CELSR1: variants seen among roughly 807,000 people sequenced by gnomAD.
CELSR1 encodes the protein adhesion G protein-coupled receptor C1.
CELSR1 carries 110 observed loss-of-function variants against 249.1 expected under a neutral mutation model. The observed-to-expected ratio is 0.44, with a 90% CI of 0.38 to 0.52. The LOEUF (loss-of-function observed/expected upper bound fraction) is 0.52. CELSR1 is among the 20% of genes least tolerant of loss of function. The probability of loss-of-function intolerance (pLI) is 0.00; values close to 1 mark genes in which losing one functional copy is unlikely to be tolerated. For synonymous variants in CELSR1, 2,113 were observed against 1,900.0 expected, an observed-to-expected ratio of 1.11 and a Z score of -2.92; for missense variants, 4,109 against 4,296.4, an observed-to-expected ratio of 0.96 and a Z score of 1.22.
At chr22:46,477,310 A>G (rs2080218983) in intron 1 of CELSR1, among the ~76,000 whole-genome samples, 1 of 152,176 alleles carries the variant, frequency 6.6e-6, no homozygotes, top group African/African-American at 2.4e-5. Flanking sequence ...GACAGGGATC[A>G]AACACCTGGA....
At chr22:46,442,982 C>T (rs367701712) in intron 2 of CELSR1, among the ~76,000 whole-genome samples, 2 of 151,944 alleles carry the variant, frequency 1.3e-5, no homozygotes, top group African/African-American at 4.8e-5. Context: ...CCTGTAGTCC[C>T]AGCTACTCAG....
At position 46,427,566 on chromosome 22, in the gene CELSR1, T is replaced by C. The variant is rs1183949567; in HGVS notation, c.4611+5827A>G. Among the ~76,000 whole-genome samples, 1 of 152,130 alleles carries C rather than the reference T, an allele frequency of 6.6e-6. No homozygotes were observed. The highest frequency in any genetic ancestry group is 1.5e-5 in the Non-Finnish European group (1 of 68,024). On this transcript the variant is annotated intron_variant, in intron 5 of 34. Transcript: ENST00000674500. The surrounding 1 kb of genome is among the most constrained non-coding windows in gnomAD (Gnocchi z 4.2). ...ATAAATAAAATACACCCTACAACTATGGCTTTTAAAATCTAGTAACAAGAT... is the reference window on the plus strand; with the variant it reads ...ATAAATAAAATACACCCTACAACTACGGCTTTTAAAATCTAGTAACAAGAT...
In CELSR1 at chr22:46,446,637, C is replaced by G. The variant is rs972417398; in HGVS notation, c.4184-7226G>C. Among the ~76,000 whole-genome samples, 1 of 152,060 alleles carries G rather than the reference C, an allele frequency of 6.6e-6. No homozygotes were observed. The highest frequency in any genetic ancestry group is 1.5e-5 in the Non-Finnish European group (1 of 68,016). On this transcript the variant is annotated intron_variant, in intron 2 of 34. Coordinates refer to ENST00000674500, the MANE Select transcript of CELSR1 (RefSeq NM_001378328.1). This position sits in a 1 kb window ranked among gnomAD's most constrained non-coding sequence, Gnocchi z 5.5. ...GTGGGGGGGAAAGCTGGGTCCATAG[C>G]AGGTACTGACAGACACTTGTGAAAT...
At chr22:46,376,555 A>T (rs112436042) in intron 24 of CELSR1, among the ~76,000 whole-genome samples, 2 of 152,060 alleles carry the variant, frequency 1.3e-5, no homozygotes, top group Non-Finnish European at 2.9e-5. Context: ...TTGTATTTTT[A>T]GTAGAGATTG....
chr22:46,390,581 G>A lies in CELSR1; in HGVS notation c.6251-95C>T. On this transcript the variant is annotated intron_variant, in intron 16 of 34. Coordinates refer to ENST00000674500, the MANE Select transcript of CELSR1 (RefSeq NM_001378328.1). The surrounding 1 kb of genome is among the most constrained non-coding windows in gnomAD (Gnocchi z 6.3). ...CACAATCTGAATATACTTAAACCCA[G>A]AACACTGCGTGGTGGTTAGAACCCC... 9.7e-7 allele frequency: 1 copy of A among 1,031,284 alleles called. No homozygotes were observed. 63.9% of individuals were successfully genotyped at this position (1,031,284 alleles called of 1,614,324 possible). A position where few individuals can be genotyped will look rare whatever the true frequency, so the allele number is the denominator to read the frequency against.
rs954608573 is a variant in CELSR1 at position 46,417,045 on chromosome 22, C to T, written c.4612-5286G>A. ...CTCTGTGTCAGAAATGATTAACCAACGTTCATATCAAAGAATTCACAGATG... is the reference window on the plus strand; with the variant it reads ...CTCTGTGTCAGAAATGATTAACCAATGTTCATATCAAAGAATTCACAGATG... On this transcript the variant is annotated intron_variant, in intron 5 of 34. Coordinates refer to ENST00000674500, the MANE Select transcript of CELSR1 (RefSeq NM_001378328.1). This position sits in a 1 kb window ranked among gnomAD's most constrained non-coding sequence, Gnocchi z 4.1. 2.6e-5 allele frequency among the ~76,000 whole-genome samples: 4 copies of T among 152,142 alleles called. No individual in the cohort carries two copies. The highest frequency in any genetic ancestry group is 7.2e-5 in the African/African-American group (3 of 41,412).
intron 28 of CELSR1, 25 bp from the exon 29 acceptor site, chr22:46,367,143 C>T: frequency 6.2e-7 from 1 of 1,605,034 alleles, no homozygotes; most frequent in Middle Eastern, 2.1e-4. Flanking sequence ...GTGGGGTCAG[C>T]ACCTGCTGCT....
intron 9 of CELSR1, among the ~76,000 whole-genome samples, chr22:46,405,659 A>G (rs2079258381): frequency 6.6e-6 from 1 of 152,088 alleles, no homozygotes. Flanking sequence ...AGCAATCTCA[A>G]GGTTATCCCA....
intron 19 of CELSR1, 116 bp from the exon 20 acceptor site, chr22:46,384,802 A>G (rs2079015390): frequency 2.6e-6 from 3 of 1,171,622 alleles, no homozygotes; most frequent in Admixed American, 3.0e-5. Flanking sequence ...TTATTTATTT[A>G]TTTTTGAGGT....
chr22:46,424,586 T>C (rs544791161), intron 5 of CELSR1, among the ~76,000 whole-genome samples: 1 of 152,294 alleles, frequency 6.6e-6, no homozygotes, highest in South Asian at 2.1e-4. Context: ...ACCCTGCCTG[T>C]GTCCTATCAC....
In CELSR1 at chr22:46,533,820, G is replaced by T; in HGVS notation, c.3351C>A (p.Asn1117Lys). Residue 1117 changes from asparagine (N) to lysine (K), a missense_variant, in exon 1 of 35, where the codon AAC becomes AAA. Asn to Lys is a moderately conservative substitution (Grantham distance 94). Transcript: ENST00000674500. ...LFNNYVTNKS[N>K]SFPTGVIGCI... ...AGCCGATCACGCCGGTGGGGAAACT[G>T]TTGGACTTGTTGGTGACATAGTTGT... 1 of 1,613,880 alleles carries T rather than the reference G, an allele frequency of 6.2e-7. No homozygotes were observed. Among genetic ancestry groups the T allele is most frequent in the Non-Finnish European group, 8.5e-7 (1 of 1,180,024 alleles).
intron 1 of CELSR1, among the ~76,000 whole-genome samples, chr22:46,529,164 G>T (rs1221582147): frequency 4.6e-5 from 7 of 151,558 alleles, no homozygotes; most frequent in Admixed American, 2.0e-4. Context: ...TACTCAGGAG[G>T]CTGAGGCAGG....
In CELSR1 at chr22:46,399,735, C is replaced by A. The variant is rs761663935; in HGVS notation, c.5394G>T (p.Leu1798Phe). Reference sequence around the variant, plus strand: ...AGCTCACCTGGTCCATCCCATAGTCCAAGGTCATGGTGACCAGGTGCTTCA... The same window carrying A: ...AGCTCACCTGGTCCATCCCATAGTCAAAGGTCATGGTGACCAGGTGCTTCA... ...SEMKHLVTMT[L>F]DYGMDQNKAD... Residue 1798 changes from leucine (L) to phenylalanine (F), a missense_variant, in exon 10 of 35, where the codon TTG becomes TTT. Physicochemically the swap from Leu to Phe is conservative, Grantham distance 22. Transcript: ENST00000674500. This position sits in a 1 kb window ranked among gnomAD's most constrained non-coding sequence, Gnocchi z 5.0. The A allele has an allele frequency of 1.2e-6, 2 of 1,614,012 alleles. No homozygotes were observed. Among genetic ancestry groups the A allele is most frequent in the Non-Finnish European group, 1.7e-6 (2 of 1,179,894 alleles).
chr22:46,378,731 A>G lies in CELSR1; in HGVS notation c.7257-14T>C. 6.2e-7 allele frequency: 1 copy of G among 1,610,306 alleles called. No homozygotes were observed. Among genetic ancestry groups the G allele is most frequent in the Non-Finnish European group, 8.5e-7 (1 of 1,178,062 alleles). On this transcript the variant is annotated splice_polypyrimidine_tract_variant and intron_variant, in intron 22 of 34. Transcript: ENST00000674500. ...GTCCCACCAACGCTGCGGAGAGGACAGAGAAGGGGCAGGGGTAAGACGGTT... is the reference window on the plus strand; with the variant it reads ...GTCCCACCAACGCTGCGGAGAGGACGGAGAAGGGGCAGGGGTAAGACGGTT...
rs898050721 is a variant in CELSR1, at chr22:46,408,401, G to A, written c.5226+595C>T. Among the ~76,000 whole-genome samples the A allele has an allele frequency of 5.3e-5, 8 of 152,110 alleles. No homozygotes were observed. Among genetic ancestry groups the A allele is most frequent in the Non-Finnish European group, 8.8e-5 (6 of 68,020 alleles). ...GACTGGAGTGTGGTGACACGTTCTC[G>A]GGTCACTGCAACCTCCGCCTTCCAG... is the stretch of plus-strand genomic sequence containing the variant. On this transcript the variant is annotated intron_variant, in intron 9 of 34. Transcript: ENST00000674500. The surrounding 1 kb of genome is among the most constrained non-coding windows in gnomAD (Gnocchi z 4.6).
At chr22:46,456,311 G>A (rs2079948451) in intron 2 of CELSR1, among the ~76,000 whole-genome samples, 1 of 152,188 alleles carries the variant, frequency 6.6e-6, no homozygotes, top group African/African-American at 2.4e-5. Flanking sequence ...AGGCTGGGAG[G>A]GATGAGTGCG....
chr22:46,474,021 C>T lies in CELSR1; in HGVS notation c.3545-9676G>A, dbSNP rs187456726. On this transcript the variant is annotated intron_variant, in intron 1 of 34. Coordinates refer to ENST00000674500, the MANE Select transcript of CELSR1 (RefSeq NM_001378328.1). ...CGGCGCATGTCAGGATGTCAAGCCA[C>T]GAGAGGAAGAGTGAGCCTCGGACCC... is the stretch of plus-strand genomic sequence containing the variant. Among the ~76,000 whole-genome samples, 47 of 152,238 alleles carry T rather than the reference C, an allele frequency of 3.1e-4. No homozygotes were observed. The East Asian group carries it at 8.1e-3, about 26-fold the overall frequency.
At position 46,394,205 on chromosome 22, in the gene CELSR1, G is replaced by C. The variant is rs1471256991; in HGVS notation, c.5901C>G (p.His1967Gln). The C allele has an allele frequency of 6.2e-7, 1 of 1,614,044 alleles. No homozygotes were observed. The highest frequency in any genetic ancestry group is 1.1e-5 in the South Asian group (1 of 91,086). The change falls in exon 14 of 35, where the codon CAC becomes CAG. Residue 1967 changes from histidine to glutamine, a missense_variant. His to Gln is a conservative substitution (Grantham distance 24). This residue lies in a region of CELSR1 where 1,805 missense variants were observed against 1,831.6 expected (regional missense o/e 0.99). Coordinates refer to ENST00000674500, the MANE Select transcript of CELSR1 (RefSeq NM_001378328.1). ...WWGNPVCGPCHCAVSKGFDPD... is the reference protein window; with the variant it reads ...WWGNPVCGPCQCAVSKGFDPD... ...GATCAAAGCCTTTGCTGACGGCACA[G>C]TGGCAGGGTCCACAGACGGGGTTCC...
In CELSR1 at chr22:46,430,153, T is replaced by C. The variant is rs1278603086; in HGVS notation, c.4611+3240A>G. Among the ~76,000 whole-genome samples the C allele has an allele frequency of 1.3e-5, 2 of 152,034 alleles. No individual in the cohort carries two copies. Among genetic ancestry groups the C allele is most frequent in the African/African-American group, 4.8e-5 (2 of 41,382 alleles). On this transcript the variant is annotated intron_variant, in intron 5 of 34. Transcript: ENST00000674500. The surrounding 1 kb of genome is among the most constrained non-coding windows in gnomAD (Gnocchi z 4.6). ...ATCTAAAATGCAGGTGGCCCACACC[T>C]CAGAGACACAGCCACTCTGGAGGGC...
Sources: gnomAD v4.1 joint callset for allele counts (sites outside exome capture counted in the v4.1 genomes callset) on GRCh38, gnomAD v4.1.1 for gene constraint, gnomAD v4.1.1 regional missense constraint, Gnocchi (gnomAD v3.1) non-coding constraint, MANE v1.5 for transcripts, NCBI Gene and HGNC (gene_info 2026-07-23, HGNC 2026-07-21) for gene names.